CFAP70: variants seen among roughly 807,000 people sequenced by gnomAD.
CFAP70 encodes the protein cilia- and flagella-associated protein 70.
In CFAP70, 81 loss-of-function variants were observed where a neutral mutation model predicts 137.6. The observed-to-expected ratio is 0.59, with a 90% CI of 0.49 to 0.71. The LOEUF (loss-of-function observed/expected upper bound fraction) is 0.71, where lower values mean the gene tolerates loss of function less well. Among genes scored for constraint, CFAP70 ranks in the 30% least tolerant of loss-of-function variants. The probability of loss-of-function intolerance (pLI) is 0.00; values close to 1 mark genes in which losing one functional copy is unlikely to be tolerated. For missense variants in CFAP70, 976 were observed against 1,226.7 expected (o/e 0.80, Z 3.05); for synonymous variants, 382 against 423.6 (o/e 0.90, Z 1.20).
intron 12 of CFAP70, among the ~76,000 whole-genome samples, chr10:73,301,892 G>A (rs1223373388): frequency 2.0e-5 from 3 of 152,102 alleles, no homozygotes; most frequent in Non-Finnish European, 4.4e-5. Flanking sequence ...GATCAGAACT[G>A]GATACTTTAA....
chr10:73,275,382 G>A lies in CFAP70; in HGVS notation c.2673+64C>T. On this transcript the variant is annotated intron_variant, in intron 22 of 26. Coordinates refer to ENST00000310715, the Ensembl canonical transcript of CFAP70. This position sits in a 1 kb window ranked among gnomAD's most constrained non-coding sequence, Gnocchi z 4.0. The stretch of plus-strand genomic sequence containing the variant: ...TTCACCAGAAATCTACGTGTGATAT[G>A]GCATCACCACCTTTAAATAAAGCCC... 1 of 1,503,424 alleles carries A rather than the reference G, an allele frequency of 6.7e-7. No homozygotes were observed. The highest frequency in any genetic ancestry group is 8.9e-7 in the Non-Finnish European group (1 of 1,122,792). The allele number at this position is 1,503,424 out of a possible 1,614,324, so 93.1% of individuals were successfully genotyped here.
intron 6 of CFAP70, among the ~76,000 whole-genome samples, chr10:73,339,969 C>T (rs1208607385): frequency 1.3e-5 from 2 of 152,198 alleles, no homozygotes; most frequent in Non-Finnish European, 2.9e-5. Flanking sequence ...CCCACCATTC[C>T]GCAGGTCCTG....
chr10:73,339,138 C>A (rs1233967627), intron 6 of CFAP70, among the ~76,000 whole-genome samples: 3 of 151,776 alleles, frequency 2.0e-5, no homozygotes, highest in African/African-American at 7.3e-5. Context: ...AGGCTAATCT[C>A]GAACTCCTGA....
intron 12 of CFAP70, among the ~76,000 whole-genome samples, chr10:73,301,696 A>C (rs750877750): frequency 2.2e-4 from 33 of 152,212 alleles, no homozygotes; most frequent in Non-Finnish European, 4.0e-4. Flanking sequence ...TATAAAGTTG[A>C]CTATGGAATG....
In CFAP70 at chr10:73,286,215, C is replaced by T. The variant is rs531159853; in HGVS notation, c.2239+5011G>A. On this transcript the variant is annotated intron_variant, in intron 19 of 26. Coordinates refer to ENST00000310715, the Ensembl canonical transcript of CFAP70. ...ATCCCAGCACTTTGGGAGGCCGAGG[C>T]GGGCGGATCATGATGTCAGGAGATC... Among the ~76,000 whole-genome samples, 13 of 152,180 alleles carry T rather than the reference C, an allele frequency of 8.5e-5. No individual in the cohort carries two copies. In the East Asian group the frequency reaches 1.4e-3, roughly 16 times the overall value.
chr10:73,286,700 A>G (rs1430046150), intron 19 of CFAP70, among the ~76,000 whole-genome samples: 1 of 152,214 alleles, frequency 6.6e-6, no homozygotes, highest in Admixed American at 6.5e-5. Flanking sequence ...AAAGACACAC[A>G]CACAGAAATA....
At chr10:73,341,203 T>C (rs1471767444) in intron 6 of CFAP70, among the ~76,000 whole-genome samples, 196 bp downstream of exon 7, 5 of 152,230 alleles carry the variant, frequency 3.3e-5, no homozygotes, top group Non-Finnish European at 2.9e-5. Context: ...AAAGAGTACA[T>C]GTGATATAAA....
intron 12 of CFAP70, among the ~76,000 whole-genome samples, chr10:73,308,141 C>T (rs193013518): frequency 4.4e-4 from 66 of 151,206 alleles, no homozygotes; most frequent in Middle Eastern, 3.5e-3. Flanking sequence ...GGTGACAGAG[C>T]GAGACTCTAT....
chr10:73,317,079 G>A (rs2050453526), intron 9 of CFAP70, among the ~76,000 whole-genome samples: 2 of 152,180 alleles, frequency 1.3e-5, no homozygotes, highest in Non-Finnish European at 2.9e-5. Context: ...AGGCTGGAGT[G>A]CAGTGGCACG....
At chr10:73,257,876 C>CTT (rs745485451) in intron 25 of CFAP70, among the ~76,000 whole-genome samples, 15,006 of 129,796 alleles carry the variant, frequency 0.12, 1,705 homozygotes, top group East Asian at 0.26. Flanking sequence ...CCTTTTCCTT[C>CTT]TTTTTTTTTT....
intron 8 of CFAP70, among the ~76,000 whole-genome samples, chr10:73,329,654 C>CAACAAT (rs994561070): frequency 1.1e-4 from 16 of 152,030 alleles, no homozygotes; most frequent in Non-Finnish European, 1.5e-4. Context: ...TTATAAAAAA[C>CAACAAT]AACAATAACA....
At chr10:73,327,318 G>C (rs1003505768) in intron 8 of CFAP70, among the ~76,000 whole-genome samples, 1 of 149,826 alleles carries the variant, frequency 6.7e-6, no homozygotes, top group African/African-American at 2.5e-5. Context: ...CAATAAATTA[G>C]GTATTGATGG....
At chr10:73,274,052 A>G (rs1564764436) in intron 23 of CFAP70, among the ~76,000 whole-genome samples, 1 of 152,226 alleles carries the variant, frequency 6.6e-6, no homozygotes, top group South Asian at 2.1e-4. Context: ...CCTCAACCAG[A>G]TTAAATATAA....
intron 7 of CFAP70, among the ~76,000 whole-genome samples, chr10:73,333,560 T>C (rs1189451406): frequency 6.6e-6 from 1 of 152,038 alleles, no homozygotes; most frequent in East Asian, 1.9e-4. Context: ...ACATTGGACT[T>C]CTCTTCAGAA....
intron 9 of CFAP70, 96 bp from the exon 11 acceptor site, chr10:73,312,739 A>G: frequency 2.8e-6 from 3 of 1,078,330 alleles, no homozygotes; most frequent in Non-Finnish European, 3.9e-6. Context: ...CTTCCAAACA[A>G]TTTCGACATT....
intron 15 of CFAP70, 98 bp from the exon 17 acceptor site, chr10:73,293,486 C>A: frequency 9.2e-7 from 1 of 1,086,188 alleles, no homozygotes; most frequent in Non-Finnish European, 1.3e-6. Flanking sequence ...GTTATGACGT[C>A]TAAAATGTTA....
intron 19 of CFAP70, among the ~76,000 whole-genome samples, chr10:73,279,794 G>A (rs1295517915): frequency 6.7e-6 from 1 of 149,818 alleles, no homozygotes; most frequent in Non-Finnish European, 1.5e-5. Flanking sequence ...GGAGGTAGAA[G>A]TTGCAGTGAG....
chr10:73,277,181 T>C (rs1205732896), intron 21 of CFAP70, 59 bp downstream of exon 22: 14 of 1,545,022 alleles, frequency 9.1e-6, no homozygotes, highest in African/African-American at 2.8e-5. Context: ...CCATTATGGA[T>C]AGAATAAAGA....
At chr10:73,256,509 C>T (rs1424347552) in intron 25 of CFAP70, 93 bp from the exon 27 acceptor site, 2 of 1,317,272 alleles carry the variant, frequency 1.5e-6, no homozygotes, top group African/African-American at 2.9e-5. Flanking sequence ...GGCACCTACA[C>T]CTAAGGCAGA....
Sources: gnomAD v4.1 joint callset for allele counts (sites outside exome capture counted in the v4.1 genomes callset) on GRCh38, gnomAD v4.1.1 for gene constraint, Gnocchi (gnomAD v3.1) non-coding constraint, MANE v1.5 for transcripts, NCBI Gene and HGNC (gene_info 2026-07-23, HGNC 2026-07-21) for gene names.